Variants in ITGB4 observed in about 807,000 individuals in gnomAD.
The protein encoded by ITGB4 is integrin beta-4.
Under a neutral mutation model 207.6 loss-of-function variants are expected in ITGB4, and 159 were observed. The observed-to-expected ratio is 0.77, with a 90% CI of 0.67 to 0.87. ITGB4 has a LOEUF of 0.87. Ranked by LOEUF, ITGB4 falls within the 40% of genes least tolerant of loss-of-function variation. The pLI, the probability that ITGB4 is intolerant of heterozygous loss-of-function variation, is 0.00. For synonymous variants in ITGB4, 1,020 were observed against 1,062.7 expected (o/e 0.96, Z 0.78); for missense variants, 2,278 against 2,546.8 (o/e 0.89, Z 2.27).
chr17:75,754,685 C>T lies in ITGB4; in HGVS notation c.4428C>T (p.His1476=), dbSNP rs931501406. The T allele has an allele frequency of 1.1e-5, 18 of 1,614,038 alleles. No individual in the cohort carries two copies. The highest frequency in any genetic ancestry group is 4.0e-5 in the African/African-American group (3 of 74,926). The change falls in exon 34 of 40, where the codon CAC becomes CAT. Residue 1476 remains histidine, a synonymous_variant. Transcript: ENST00000200181. ...CCTATGGCACCCACCTGAGCCCACA[C>T]GTGCCCCACCGCGTGCTAAGCACAT... The part of the protein sequence containing the change: ...AAAYGTHLSP[H]VPHRVLSTSS...
chr17:75,752,271 G>A lies in ITGB4; in HGVS notation c.3891G>A (p.Thr1297=), dbSNP rs769365580. 3.8e-5 allele frequency: 61 copies of A among 1,613,364 alleles called. No individual in the cohort carries two copies. The highest frequency in any genetic ancestry group is 4.7e-5 in the Non-Finnish European group (56 of 1,180,036). ...GGGAGTCCCAGCCCTACCGCTACAC[G>A]GTGAAGGCGCGCAACGGGGCCGGCT... ...NLRESQPYRY[T]VKARNGAGWG... Residue 1297 remains threonine (T), a synonymous_variant, in exon 31 of 40, where the codon ACG becomes ACA. Coordinates refer to ENST00000200181, the MANE Select transcript of ITGB4 (RefSeq NM_000213.5).
Position 75,727,666 on chromosome 17 carries a change from A to G in ITGB4, c.280A>G (p.Thr94Ala). ...FQITEETQID[T>A]TLRRSQMSPQ... Reference sequence around the variant, plus strand: ...CTGGCTGCAGGAGACCCAGATTGACACCACCCTGCGGCGCAGCCAGATGTC... The same window carrying G: ...CTGGCTGCAGGAGACCCAGATTGACGCCACCCTGCGGCGCAGCCAGATGTC... The change falls in exon 5 of 40, where the codon ACC (threonine) becomes GCC (alanine). Residue 94 changes from threonine to alanine, a missense_variant. By Grantham distance (58) the Thr-to-Ala change is moderately conservative. Coordinates refer to ENST00000200181, the MANE Select transcript of ITGB4 (RefSeq NM_000213.5). The surrounding 1 kb of genome is among the most constrained non-coding windows in gnomAD (Gnocchi z 6.0). The G allele has an allele frequency of 6.2e-7, 1 of 1,607,180 alleles. No individual in the cohort carries two copies. Among genetic ancestry groups the G allele is most frequent in the Non-Finnish European group, 8.5e-7 (1 of 1,177,512 alleles).
rs747752799 is a variant in ITGB4 at position 75,736,160 on chromosome 17, C to G, written c.1761+6C>G. ...CCTGCATCGACAGCAATGGGGTAGG[C>G]CTGGGCATAAGACAGACAGTGTCTG... On this transcript the variant is annotated splice_donor_region_variant and intron_variant, in intron 14 of 39. Coordinates refer to ENST00000200181, the MANE Select transcript of ITGB4 (RefSeq NM_000213.5). 4 of 1,613,606 alleles carry G rather than the reference C, an allele frequency of 2.5e-6. No individual in the cohort carries two copies.
At chr17:75,736,776 C>T (rs1195673423) in intron 16 of ITGB4, 82 bp downstream of exon 16, 12 of 1,466,754 alleles carry the variant, frequency 8.2e-6, no homozygotes, top group East Asian at 2.4e-5. Flanking sequence ...ATCACCTGGA[C>T]GGGGGCTTGC....
At position 75,750,965 on chromosome 17, in the gene ITGB4, G is replaced by A. The variant is rs763399534; in HGVS notation, c.3656-9G>A. Reference sequence around the variant, plus strand: ...TGACAGCACTCTTCCTGTATTCCCCGCTCCCTAGTGCCCAGCGAGCCAGGG... The same window carrying A: ...TGACAGCACTCTTCCTGTATTCCCCACTCCCTAGTGCCCAGCGAGCCAGGG... On this transcript the variant is annotated splice_polypyrimidine_tract_variant and intron_variant, in intron 29 of 39. Coordinates refer to ENST00000200181, the MANE Select transcript of ITGB4 (RefSeq NM_000213.5). The surrounding 1 kb of genome is among the most constrained non-coding windows in gnomAD (Gnocchi z 5.5). The A allele has an allele frequency of 8.7e-6, 14 of 1,613,512 alleles. No homozygotes were observed. Among genetic ancestry groups the A allele is most frequent in the East Asian group, 6.7e-5 (3 of 44,882 alleles).
In ITGB4 at chr17:75,740,271, CA is replaced by C. The variant is rs2061076452; in HGVS notation, c.2447-86del. On this transcript the variant is annotated intron_variant, in intron 20 of 39. Coordinates refer to ENST00000200181, the MANE Select transcript of ITGB4 (RefSeq NM_000213.5). The surrounding 1 kb of genome is among the most constrained non-coding windows in gnomAD (Gnocchi z 5.9). ...CTGGCCAGGCATCCCCTGATCCTAG[CA>C]TGGTTGCTGGAGGGATGCTCTGTGG... 1 of 1,333,550 alleles carries C rather than the reference CA, an allele frequency of 7.5e-7. No individual in the cohort carries two copies. The highest frequency in any genetic ancestry group is 1.4e-5 in the African/African-American group (1 of 69,942). 82.6% of individuals were successfully genotyped at this position (1,333,550 alleles called of 1,614,324 possible).
rs2061340343 is a variant in ITGB4 at position 75,750,357 on chromosome 17, C to T, written c.3474+89C>T. 2 of 1,350,570 alleles carry T rather than the reference C, an allele frequency of 1.5e-6. No homozygotes were observed. Among genetic ancestry groups the T allele is most frequent in the Admixed American group, 2.3e-5 (1 of 43,884 alleles). The allele number at this position is 1,350,570 out of a possible 1,614,324, so 83.7% of individuals were successfully genotyped here. On this transcript the variant is annotated intron_variant, in intron 28 of 39. Coordinates refer to ENST00000200181, the MANE Select transcript of ITGB4 (RefSeq NM_000213.5). The surrounding 1 kb of genome is among the most constrained non-coding windows in gnomAD (Gnocchi z 5.5). ...GAGGTGGGCCGTCCAAGGCCAGGGC[C>T]CCCTGAGAGAGAGCAGACAGTGGAA...
In ITGB4 at chr17:75,731,191, G is replaced by A; in HGVS notation, c.1093-55G>A. On this transcript the variant is annotated intron_variant, in intron 9 of 39. Coordinates refer to ENST00000200181, the MANE Select transcript of ITGB4 (RefSeq NM_000213.5). This position sits in a 1 kb window ranked among gnomAD's most constrained non-coding sequence, Gnocchi z 6.8. The stretch of plus-strand genomic sequence containing the variant: ...TGATGCCAGCCACACTTGGAGGTTG[G>A]GGTGGAGCACAGAGGCCCCCCACAG... 1 of 1,612,636 alleles carries A rather than the reference G, an allele frequency of 6.2e-7. No homozygotes were observed. Among genetic ancestry groups the A allele is most frequent in the Non-Finnish European group, 8.5e-7 (1 of 1,179,802 alleles).
intron 27 of ITGB4, among the ~76,000 whole-genome samples, 154 bp from the exon 28 acceptor site, chr17:75,749,957 C>T (rs1599297337): frequency 6.6e-6 from 1 of 152,234 alleles, no homozygotes; most frequent in African/African-American, 2.4e-5. Flanking sequence ...TATGTGGCAG[C>T]AATGGGGCAC....
chr17:75,741,043 C>T (rs1480014049), intron 23 of ITGB4, 38 bp downstream of exon 23: 1 of 1,601,162 alleles, frequency 6.2e-7, no homozygotes, highest in Non-Finnish European at 8.5e-7. Context: ...GCCCCCACTT[C>T]CTGCCCGCCT....
Position 75,729,181 on chromosome 17 carries a change from C to A in ITGB4, c.567-84C>A. On this transcript the variant is annotated intron_variant, in intron 6 of 39. Coordinates refer to ENST00000200181, the MANE Select transcript of ITGB4 (RefSeq NM_000213.5). This position sits in a 1 kb window ranked among gnomAD's most constrained non-coding sequence, Gnocchi z 4.4. ...CTCAAAAAAAAAAAAAAAAATTCTC[C>A]TTCTAGTTGAAACGAGCCAGGGGCA... The A allele has an allele frequency of 7.7e-7, 1 of 1,300,012 alleles. No individual in the cohort carries two copies. The highest frequency in any genetic ancestry group is 1.4e-5 in the South Asian group (1 of 73,756). 80.5% of individuals were successfully genotyped at this position (1,300,012 alleles called of 1,614,324 possible).
intron 2 of ITGB4, among the ~76,000 whole-genome samples, chr17:75,725,984 TGAG>T (rs2060709571): frequency 6.6e-6 from 1 of 152,210 alleles, no homozygotes; most frequent in African/African-American, 2.4e-5. Flanking sequence ...TGGCTGGACC[TGAG>T]GAGGCAGCAG....
Position 75,742,773 on chromosome 17 carries a change from T to C in ITGB4, c.2962+12T>C, listed in dbSNP as rs1462295878. 1 of 1,601,502 alleles carries C rather than the reference T, an allele frequency of 6.2e-7. No individual in the cohort carries two copies. Among genetic ancestry groups the C allele is most frequent in the African/African-American group, 1.3e-5 (1 of 74,706 alleles). On this transcript the variant is annotated intron_variant, in intron 25 of 39. Coordinates refer to ENST00000200181, the MANE Select transcript of ITGB4 (RefSeq NM_000213.5). This position sits in a 1 kb window ranked among gnomAD's most constrained non-coding sequence, Gnocchi z 5.9. ...CATCAAGGAGCAAGGTGGGTCTGGG[T>C]GGGGAGAGTGGGGAAGGCAGACGGG... is the stretch of plus-strand genomic sequence containing the variant.
In ITGB4 at chr17:75,757,243, C is replaced by T. The variant is rs756597022; in HGVS notation, c.5262C>T (p.His1754=). The change falls in exon 39 of 40, where the codon CAC becomes CAT. Residue 1754 remains histidine (H), a synonymous_variant. Transcript: ENST00000200181. ...GCAGCCGTGCCGGGCTCTTCCAGCA[C>T]CCGCTGCAAAGCGAGTACAGCAGCA... is the stretch of plus-strand genomic sequence containing the variant. The part of the protein sequence containing the change: ...QLGSRAGLFQ[H]PLQSEYSSIT... 6.2e-7 allele frequency: 1 copy of T among 1,612,016 alleles called. No homozygotes were observed. The highest frequency in any genetic ancestry group is 8.5e-7 in the Non-Finnish European group (1 of 1,179,998).
chr17:75,732,247 G>A lies in ITGB4; in HGVS notation c.1454+8G>A, dbSNP rs1372118781. 6.2e-7 allele frequency: 1 copy of A among 1,613,808 alleles called. No individual in the cohort carries two copies. The highest frequency in any genetic ancestry group is 1.3e-5 in the African/African-American group (1 of 75,044). On this transcript the variant is annotated splice_region_variant and intron_variant, in intron 12 of 39. Coordinates refer to ENST00000200181, the MANE Select transcript of ITGB4 (RefSeq NM_000213.5). This position sits in a 1 kb window ranked among gnomAD's most constrained non-coding sequence, Gnocchi z 5.3. The stretch of plus-strand genomic sequence containing the variant: ...TGTGTGCAGCGAGGGCTGGTGAGTG[G>A]GGAAGGGAGTTGGGCACCCAGGACA...
intron 12 of ITGB4, among the ~76,000 whole-genome samples, chr17:75,733,120 G>A (rs1323538330): frequency 1.3e-5 from 2 of 150,182 alleles, no homozygotes; most frequent in African/African-American, 4.9e-5. Flanking sequence ...CAGGCGCGGT[G>A]GCTTACGCCT....
intron 33 of ITGB4, 136 bp from the exon 34 acceptor site, chr17:75,754,440 G>A: frequency 9.0e-7 from 1 of 1,112,170 alleles, no homozygotes; most frequent in South Asian, 1.3e-5. Flanking sequence ...GTCCCTAGTG[G>A]TTTGAGGGAA....
chr17:75,756,599 C>A lies in ITGB4; in HGVS notation c.4879C>A (p.Pro1627Thr). ...TGAATCCCAGGTGCACCCGCAGAGC[C>A]CACTGTGTCCCCTGCCAGGTGAGTT... is the stretch of plus-strand genomic sequence containing the variant. ...TIESQVHPQSPLCPLPGSAFT... is the reference protein window; with the variant it reads ...TIESQVHPQSTLCPLPGSAFT... Residue 1627 changes from proline to threonine, a missense_variant, in exon 36 of 40, where the codon CCA becomes ACA. Coordinates refer to ENST00000200181, the MANE Select transcript of ITGB4 (RefSeq NM_000213.5). 6.2e-7 allele frequency: 1 copy of A among 1,612,918 alleles called. No homozygotes were observed. The highest frequency in any genetic ancestry group is 8.5e-7 in the Non-Finnish European group (1 of 1,179,956).
At chr17:75,724,093 G>A (rs532538231) in intron 1 of ITGB4, among the ~76,000 whole-genome samples, 1 of 152,322 alleles carries the variant, frequency 6.6e-6, no homozygotes, top group South Asian at 2.1e-4. Context: ...AGAGGTACAG[G>A]GGAGGGCAGA....
Sources: gnomAD v4.1 joint callset for allele counts (sites outside exome capture counted in the v4.1 genomes callset) on GRCh38, gnomAD v4.1.1 for gene constraint, Gnocchi (gnomAD v3.1) non-coding constraint, MANE v1.5 for transcripts, NCBI Gene and HGNC (gene_info 2026-07-23, HGNC 2026-07-21) for gene names.